Variants in IFT52 observed in about 807,000 individuals in gnomAD.
IFT52 encodes intraflagellar transport protein 52 homolog.
In IFT52, 44 loss-of-function variants were observed where a neutral mutation model predicts 54.4. The ratio of observed to expected loss-of-function variants is 0.81; its 90% CI spans 0.63 to 1.04. The LOEUF (loss-of-function observed/expected upper bound fraction) is 1.04. IFT52 is among the 50% of genes least tolerant of loss of function. The pLI is 0.00. For synonymous variants in IFT52, 181 were observed against 185.3 expected (o/e 0.98, Z 0.19); for missense variants, 452 against 523.6 (o/e 0.86, Z 1.33).
At position 43,613,953 on chromosome 20, in the gene IFT52, A is replaced by AT; in HGVS notation, c.593dup (p.Leu198PhefsTer24). The AT allele has an allele frequency of 1.2e-6, 2 of 1,613,980 alleles. No homozygotes were observed. The highest frequency in any genetic ancestry group is 1.3e-5 in the African/African-American group (1 of 75,038). On this transcript the variant is annotated frameshift_variant, in exon 7 of 14. Transcript: ENST00000373030. LOFTEE classifies it high-confidence loss of function. ...TGTCTGCTTCCCACTTAACAGACCCATTTTGGCTTTCTATCACTCAAAGGT... is the reference window on the plus strand; with the variant it reads ...TGTCTGCTTCCCACTTAACAGACCCATTTTTGGCTTTCTATCACTCAAAGGT...
rs1180842957 is a variant in IFT52, at chr20:43,644,799, T to A, written c.1267-2137T>A. Among the ~76,000 whole-genome samples, 2 of 54,808 alleles carry A rather than the reference T, an allele frequency of 3.6e-5. 1 individual carries two copies. Among genetic ancestry groups the A allele is most frequent in the African/African-American group, 1.1e-4 (2 of 18,750 alleles). The allele number at this position is 54,808 out of a possible 152,430, so 36.0% of individuals were successfully genotyped here. A position where few individuals can be genotyped will look rare whatever the true frequency, so the allele number is the denominator to read the frequency against. On this transcript the variant is annotated intron_variant, in intron 13 of 13. Transcript: ENST00000373030. ...CTATCTCAAAAAAATAAATAAAAAA[T>A]AAAAATAAAAATGTTTAAGGACTTG...
intron 7 of IFT52, among the ~76,000 whole-genome samples, chr20:43,617,449 GTT>G (rs11290246): frequency 4.8e-5 from 7 of 145,594 alleles, no homozygotes; most frequent in Non-Finnish European, 4.6e-5. Context: ...TAGTTTTCTG[GTT>G]TTTTTTTTTT....
intron 10 of IFT52, among the ~76,000 whole-genome samples, chr20:43,632,922 TTCTCAATGAG>T (rs1248515463): frequency 6.6e-6 from 1 of 152,266 alleles, no homozygotes; most frequent in Non-Finnish European, 1.5e-5. Context: ...TTCTTTTCAG[TTCTCAATGAG>T]TAATAATGTA....
intron 3 of IFT52, among the ~76,000 whole-genome samples, chr20:43,603,430 T>C (rs932833100): frequency 1.3e-5 from 2 of 152,132 alleles, no homozygotes; most frequent in Non-Finnish European, 2.9e-5. Context: ...CAGGGGAAGG[T>C]AGGTACAACT....
chr20:43,618,854 G>C (rs1437795382), intron 7 of IFT52, 86 bp from the exon 8 acceptor site: 3 of 854,774 alleles, frequency 3.5e-6, no homozygotes, highest in Non-Finnish European at 5.8e-6. Context: ...ACAGTTGCTA[G>C]CATGATTCTA....
intron 13 of IFT52, among the ~76,000 whole-genome samples, 156 bp downstream of exon 13, chr20:43,642,780 T>C (rs1028150649): frequency 6.6e-6 from 1 of 152,208 alleles, no homozygotes; most frequent in Non-Finnish European, 1.5e-5. Context: ...CCTGTACTTA[T>C]GGAACCTATA....
At chr20:43,622,657 TTTATATGTAAATATAAATATATACATA>T in intron 9 of IFT52, among the ~76,000 whole-genome samples, 1 of 147,220 alleles carries the variant, frequency 6.8e-6, no homozygotes, top group African/African-American at 2.5e-5. Flanking sequence ...TTATATATAT[TTTATATGTAAATATAAATATATACATA>T]TTTTATGTAA....
chr20:43,596,330 C>G (rs1333931078), intron 2 of IFT52, 105 bp from the exon 3 acceptor site: 1 of 680,472 alleles, frequency 1.5e-6, no homozygotes, highest in Non-Finnish European at 2.5e-6. Context: ...CCCTTCATCT[C>G]TGAGCCTCTG....
intron 10 of IFT52, among the ~76,000 whole-genome samples, chr20:43,627,922 G>GT (rs554920528): frequency 3.1e-3 from 173 of 56,072 alleles, no homozygotes; most frequent in South Asian, 5.9e-3. Context: ...GAGAGAGAGA[G>GT]TTTTTTTTTT....
intron 6 of IFT52, among the ~76,000 whole-genome samples, chr20:43,610,430 T>C (rs1983342507): frequency 6.6e-6 from 1 of 152,114 alleles, no homozygotes; most frequent in South Asian, 2.1e-4. Context: ...GTTAATATTT[T>C]TGACTGTCAA....
intron 7 of IFT52, among the ~76,000 whole-genome samples, chr20:43,617,210 G>A (rs763978792): frequency 6.6e-6 from 1 of 152,098 alleles, no homozygotes; most frequent in Non-Finnish European, 1.5e-5. Flanking sequence ...ACTGGGCATA[G>A]AATTTTTTAT....
intron 2 of IFT52, among the ~76,000 whole-genome samples, chr20:43,596,097 G>C (rs1981936012): frequency 6.6e-6 from 1 of 152,232 alleles, no homozygotes. Flanking sequence ...GAATAACTTT[G>C]TGTATGTGCA....
intron 13 of IFT52, among the ~76,000 whole-genome samples, chr20:43,643,528 TG>T (rs1986068939): frequency 1.8e-5 from 1 of 56,236 alleles, no homozygotes; most frequent in African/African-American, 5.2e-5. Context: ...AGGGATCAAG[TG>T]TGCTGAGTGT....
Position 43,608,827 on chromosome 20 carries a change from G to T in IFT52, c.485+3754G>T, listed in dbSNP as rs999705856. 3.2e-4 allele frequency among the ~76,000 whole-genome samples: 49 copies of T among 152,184 alleles called. 1 individual carries two copies. Among genetic ancestry groups the T allele is most frequent in the Non-Finnish European group, 1.0e-4 (7 of 68,030 alleles). ...GGAGACTGAGGCTGGAGAATTGCTT[G>T]AGCCCAGGAAGCAGAGGTGGCAGTG... On this transcript the variant is annotated intron_variant, in intron 6 of 13. Coordinates refer to ENST00000373030, the MANE Select transcript of IFT52 (RefSeq NM_016004.5).
intron 1 of IFT52, 74 bp downstream of exon 1, chr20:43,591,128 C>T (rs970173357): frequency 6.6e-6 from 1 of 152,384 alleles, no homozygotes; most frequent in African/African-American, 2.4e-5. Context: ...ACTCGCCGCA[C>T]TCTTCGAGGC....
intron 8 of IFT52, among the ~76,000 whole-genome samples, 179 bp downstream of exon 8, chr20:43,619,205 T>C (rs1219018314): frequency 6.6e-6 from 1 of 152,176 alleles, no homozygotes; most frequent in Non-Finnish European, 1.5e-5. Context: ...TGGAAAAGTT[T>C]GTAATACACT....
chr20:43,646,260 AAG>A (rs1194354956), intron 13 of IFT52, among the ~76,000 whole-genome samples: 3 of 152,154 alleles, frequency 2.0e-5, no homozygotes, highest in African/African-American at 4.8e-5. Flanking sequence ...GCAGCAAAAA[AAG>A]AGTGTTTTGT....
At chr20:43,616,698 C>T (rs773943966) in intron 7 of IFT52, among the ~76,000 whole-genome samples, 13 of 152,118 alleles carry the variant, frequency 8.5e-5, no homozygotes, top group East Asian at 1.9e-4. Context: ...TTATTTGCCT[C>T]GTAAGCTTTA....
chr20:43,603,938 A>C (rs781390413), intron 4 of IFT52, 49 bp downstream of exon 4: 2 of 1,288,728 alleles, frequency 1.6e-6, no homozygotes, highest in African/African-American at 3.0e-5. Context: ...TCTATCTATT[A>C]TTTGATATCA....
Sources: allele counts gnomAD v4.1 joint callset (sites outside exome capture counted in the v4.1 genomes callset), GRCh38; gene constraint gnomAD v4.1.1; transcripts MANE v1.5; gene names NCBI Gene and HGNC (gene_info 2026-07-23, HGNC 2026-07-21).